The following VWA8 variants were observed in gnomAD, a reference collection of about 807,000 sequenced individuals.
VWA8 encodes von Willebrand factor A domain-containing protein 8.
Under a neutral mutation model 241.5 loss-of-function variants are expected in VWA8, and 221 were observed. The observed-to-expected ratio is 0.91, with a 90% CI of 0.82 to 1.02. VWA8 has a LOEUF of 1.02. VWA8 is among the 50% of genes least tolerant of loss of function. The pLI is 0.00. For missense variants in VWA8, 2,322 were observed against 2,328.7 expected (o/e 1.00, Z 0.06); for synonymous variants, 852 against 827.1 (o/e 1.03, Z -0.52).
intron 41 of VWA8, among the ~76,000 whole-genome samples, chr13:41,588,649 A>T (rs927865920): frequency 1.8e-4 from 28 of 151,540 alleles, no homozygotes; most frequent in African/African-American, 6.5e-4. Context: ...TGAGCCCAAT[A>T]GTTTGAGGCT....
intron 17 of VWA8, among the ~76,000 whole-genome samples, chr13:41,799,840 A>G (rs1566462281): frequency 1.3e-5 from 2 of 152,182 alleles, no homozygotes; most frequent in African/African-American, 2.4e-5. Context: ...GGTTTCTAGT[A>G]TATTCACAGA....
intron 40 of VWA8, among the ~76,000 whole-genome samples, chr13:41,591,305 C>A (rs2044453266): frequency 1.3e-5 from 2 of 151,268 alleles, no homozygotes; most frequent in African/African-American, 4.9e-5. Flanking sequence ...TTCTGGATTA[C>A]TTTTCTAAAA....
intron 12 of VWA8, among the ~76,000 whole-genome samples, chr13:41,857,627 A>G (rs1872809505): frequency 6.6e-6 from 1 of 152,182 alleles, no homozygotes; most frequent in Non-Finnish European, 1.5e-5. Context: ...TATGGCAAAT[A>G]ATATTACAAA....
chr13:41,715,461 A>G (rs1369264170), intron 26 of VWA8, among the ~76,000 whole-genome samples: 2 of 151,972 alleles, frequency 1.3e-5, no homozygotes, highest in East Asian at 3.9e-4. Context: ...CTTTCTTTAA[A>G]ACAAATGTTT....
At position 41,589,857 on chromosome 13, in the gene VWA8, G is replaced by A. The variant is rs71427482; in HGVS notation, c.5112+783C>T. ...TGCCCTAAAACCATTTACTACCCCC[G>A]TAAAATCATCTACACTTCTCCATCT... On this transcript the variant is annotated intron_variant, in intron 41 of 44. Transcript: ENST00000379310. Among the ~76,000 whole-genome samples, 898 of 151,770 alleles carry A rather than the reference G, an allele frequency of 5.9e-3. 3 individuals carry two copies. Among genetic ancestry groups the A allele is most frequent in the Non-Finnish European group, 9.6e-3 (651 of 67,894 alleles).
chr13:41,926,976 C>T, intron 2 of VWA8: 1 of 495,314 alleles, frequency 2.0e-6, no homozygotes, highest in East Asian at 5.2e-5. Flanking sequence ...CTGTGATCAT[C>T]CACAGATAAT....
intron 26 of VWA8, among the ~76,000 whole-genome samples, chr13:41,716,446 A>G (rs550675527): frequency 6.6e-6 from 1 of 152,218 alleles, no homozygotes; most frequent in South Asian, 2.1e-4. Context: ...CACAAAAATA[A>G]CATCACCGCT....
intron 20 of VWA8, among the ~76,000 whole-genome samples, chr13:41,768,383 T>C (rs911284422): frequency 6.6e-6 from 1 of 152,254 alleles, no homozygotes; most frequent in African/African-American, 2.4e-5. Context: ...ATATTCATGG[T>C]GTCTCAATAT....
chr13:41,703,489 C>T (rs886072657), intron 26 of VWA8, 78 bp from the exon 27 acceptor site: 2 of 1,217,884 alleles, frequency 1.6e-6, no homozygotes, highest in African/African-American at 1.5e-5. Context: ...CATCTATTAT[C>T]AACCACACAA....
intron 43 of VWA8, among the ~76,000 whole-genome samples, chr13:41,573,484 A>T (rs866119444): frequency 0.04 from 4,724 of 116,746 alleles, 126 homozygotes; most frequent in African/African-American, 0.069. Flanking sequence ...TAAAAAAAAA[A>T]AAATATATAT....
intron 37 of VWA8, among the ~76,000 whole-genome samples, chr13:41,642,360 C>G (rs982708685): frequency 5.9e-5 from 9 of 152,042 alleles, no homozygotes; most frequent in Admixed American, 4.6e-4. Flanking sequence ...GAGTTCGAGA[C>G]CAGCCTGGCC....
chr13:41,738,654 T>C (rs1364079474), intron 21 of VWA8, among the ~76,000 whole-genome samples: 1 of 152,184 alleles, frequency 6.6e-6, no homozygotes, highest in African/African-American at 2.4e-5. Context: ...ATCTGCACTC[T>C]GAAAACTAGC....
rs141340744 is a variant in VWA8 at position 41,853,809 on chromosome 13, G to C, written c.1425+11927C>G. Among the ~76,000 whole-genome samples the C allele has an allele frequency of 5.3e-5, 8 of 152,150 alleles. No individual in the cohort carries two copies. The East Asian group carries it at 1.3e-3, about 26-fold the overall frequency. On this transcript the variant is annotated intron_variant, in intron 12 of 44. Coordinates refer to ENST00000379310, the MANE Select transcript of VWA8 (RefSeq NM_015058.2). ...AAAAAAATCAACTCTTAGTTACACG[G>C]ATCTTTTCTGTGGTTTTTCTGTTTT...
At chr13:41,590,498 C>CTTT (rs5803096) in intron 41 of VWA8, 142 bp downstream of exon 41, 11 of 654,512 alleles carry the variant, frequency 1.7e-5, no homozygotes, top group South Asian at 7.8e-5. Context: ...TCTTCTTCTT[C>CTTT]TTTTTTTTTT....
intron 41 of VWA8, among the ~76,000 whole-genome samples, chr13:41,588,009 T>C (rs1478877512): frequency 5.3e-5 from 8 of 152,236 alleles, no homozygotes; most frequent in Non-Finnish European, 7.3e-5. Flanking sequence ...TGGAATGACA[T>C]GTCATTTTCA....
chr13:41,570,426 T>TCTCTGTAC (rs2139629548), intron 44 of VWA8, 42 bp downstream of exon 44: 1 of 1,553,704 alleles, frequency 6.4e-7, no homozygotes, highest in East Asian at 2.3e-5. Context: ...CTACTCAGTA[T>TCTCTGTAC]CTCTGTACCT....
At chr13:41,913,231 T>G (rs182298148) in intron 2 of VWA8, among the ~76,000 whole-genome samples, 100 of 152,256 alleles carry the variant, frequency 6.6e-4, no homozygotes, top group African/African-American at 2.2e-3. Context: ...AAAACAGTAC[T>G]TGAAAAAGCA....
intron 1 of VWA8, among the ~76,000 whole-genome samples, chr13:41,959,904 G>A (rs926450665): frequency 5.3e-5 from 8 of 152,240 alleles, no homozygotes; most frequent in Non-Finnish European, 1.0e-4. Flanking sequence ...CACCGCGCCC[G>A]GCCCATATGC....
chr13:41,776,992 G>C (rs1190271967), intron 20 of VWA8, among the ~76,000 whole-genome samples: 1 of 152,096 alleles, frequency 6.6e-6, no homozygotes, highest in Admixed American at 6.5e-5. Context: ...TAGAAGCTTT[G>C]TTACCCTTAA....
Sources: allele counts gnomAD v4.1 joint callset (sites outside exome capture counted in the v4.1 genomes callset), GRCh38; gene constraint gnomAD v4.1.1; transcripts MANE v1.5; gene names NCBI Gene and HGNC (gene_info 2026-07-23, HGNC 2026-07-21).